The following CAMTA1 variants were observed in gnomAD, a reference collection of about 807,000 sequenced individuals.
The protein encoded by CAMTA1 is calmodulin-binding transcription activator 1.
In CAMTA1, 27 loss-of-function variants were observed where a neutral mutation model predicts 170.9. The observed-to-expected ratio is 0.16, with a 90% CI of 0.12 to 0.22. The LOEUF is 0.22. Ranked by LOEUF, CAMTA1 falls within the 10% of genes least tolerant of loss-of-function variation. The probability of loss-of-function intolerance (pLI) is 1.00; values close to 1 mark genes in which losing one functional copy is unlikely to be tolerated. For synonymous variants in CAMTA1, 833 were observed against 891.5 expected (o/e 0.93, Z 1.17); for missense variants, 1,619 against 2,217.2 (o/e 0.73, Z 5.42).
intron 6 of CAMTA1, among the ~76,000 whole-genome samples, chr1:7,551,095 A>T (rs2094794928): frequency 6.6e-6 from 1 of 151,964 alleles, no homozygotes; most frequent in Non-Finnish European, 1.5e-5. Flanking sequence ...TGTGACCTTC[A>T]CCCTCACAGG....
chr1:7,318,628 A>G (rs1302662903), intron 5 of CAMTA1, among the ~76,000 whole-genome samples: 1 of 152,242 alleles, frequency 6.6e-6, no homozygotes, highest in African/African-American at 2.4e-5. Flanking sequence ...CTACCAAATC[A>G]GAATTCCACA....
chr1:7,367,112 C>T (rs1372505841), intron 5 of CAMTA1, among the ~76,000 whole-genome samples: 4 of 152,152 alleles, frequency 2.6e-5, no homozygotes, highest in Non-Finnish European at 5.9e-5. Flanking sequence ...AGGTGACCTC[C>T]ATTATGAGAA....
intron 4 of CAMTA1, among the ~76,000 whole-genome samples, chr1:7,179,085 G>A (rs778319541): frequency 1.8e-4 from 28 of 152,300 alleles, no homozygotes; most frequent in South Asian, 8.3e-4. Flanking sequence ...AAGCATCTCT[G>A]TGCCCCTCTG....
At chr1:6,926,488 C>CTTTCTT (rs749163108) in intron 3 of CAMTA1, among the ~76,000 whole-genome samples, 31 of 125,764 alleles carry the variant, frequency 2.5e-4, no homozygotes, top group South Asian at 1.6e-3. Flanking sequence ...TTCTTTCTTT[C>CTTTCTT]TCTCTCTCTT....
intron 3 of CAMTA1, among the ~76,000 whole-genome samples, chr1:6,825,812 A>G (rs1020282487): frequency 2.6e-5 from 4 of 152,196 alleles, no homozygotes; most frequent in Non-Finnish European, 5.9e-5. Flanking sequence ...CTTTTTTGGT[A>G]AATTTTAATC....
chr1:6,861,511 T>C (rs1664682676), intron 3 of CAMTA1, among the ~76,000 whole-genome samples: 1 of 152,176 alleles, frequency 6.6e-6, no homozygotes, highest in Admixed American at 6.5e-5. Flanking sequence ...TGAGTATCCT[T>C]GAGGTCAGAA....
intron 3 of CAMTA1, among the ~76,000 whole-genome samples, chr1:7,004,745 GTTTCCTAT>G (rs1387065948): frequency 6.6e-6 from 1 of 151,946 alleles, no homozygotes; most frequent in Non-Finnish European, 1.5e-5. Flanking sequence ...TTTTTTCAAT[GTTTCCTAT>G]TTTTAAATTG....
chr1:7,583,297 T>C (rs2095277791), intron 6 of CAMTA1, among the ~76,000 whole-genome samples: 1 of 151,096 alleles, frequency 6.6e-6, no homozygotes, highest in East Asian at 2.0e-4. Flanking sequence ...GAACCAGGCC[T>C]GTCCTGGGAA....
chr1:7,602,683 C>A (rs2095456554), intron 6 of CAMTA1, among the ~76,000 whole-genome samples: 2 of 152,166 alleles, frequency 1.3e-5, no homozygotes, highest in Non-Finnish European at 2.9e-5. Context: ...TTAATTATTT[C>A]TTGCCTTCTG....
chr1:7,126,351 C>T (rs537226707), intron 4 of CAMTA1, among the ~76,000 whole-genome samples: 1 of 152,332 alleles, frequency 6.6e-6, no homozygotes, highest in South Asian at 2.1e-4. Flanking sequence ...TACCCCCTCC[C>T]TAATTCAATC....
intron 11 of CAMTA1, among the ~76,000 whole-genome samples, chr1:7,699,703 T>TAGTC (rs1224499763): frequency 6.6e-6 from 1 of 152,236 alleles, no homozygotes; most frequent in Non-Finnish European, 1.5e-5. Flanking sequence ...TTTGTGATTA[T>TAGTC]AGTCACTTAG....
At chr1:6,941,380 C>G (rs1003717899) in intron 3 of CAMTA1, among the ~76,000 whole-genome samples, 1 of 152,132 alleles carries the variant, frequency 6.6e-6, no homozygotes, top group Non-Finnish European at 1.5e-5. Context: ...CCAGCTTTTC[C>G]GAATCCGAGT....
chr1:6,892,995 C>G (rs1674863915), intron 3 of CAMTA1, among the ~76,000 whole-genome samples: 2 of 151,944 alleles, frequency 1.3e-5, no homozygotes, highest in Admixed American at 1.3e-4. Context: ...AAAAAAAGAG[C>G]TGTGGCCGGG....
chr1:7,753,673 G>A (rs1243299464), intron 21 of CAMTA1, among the ~76,000 whole-genome samples: 2 of 152,084 alleles, frequency 1.3e-5, no homozygotes, highest in East Asian at 3.8e-4. Context: ...ACCATAGAAG[G>A]AAACATGCAC....
intron 4 of CAMTA1, among the ~76,000 whole-genome samples, chr1:7,237,572 C>A (rs994971295): frequency 6.6e-6 from 1 of 152,152 alleles, no homozygotes; most frequent in Admixed American, 6.5e-5. Context: ...CAGAATTAAC[C>A]TAGTCTTCGA....
At position 6,829,714 on chromosome 1, in the gene CAMTA1, C is replaced by T. The variant is rs187979176; in HGVS notation, c.234+4504C>T. On this transcript the variant is annotated intron_variant, in intron 3 of 22. Transcript: ENST00000303635. Reference sequence around the variant, plus strand: ...TAACTAATGTACCCGCAGTCAGAGCCGGGAAGTGGGGGACGGGGGAGTTCA... The same window carrying T: ...TAACTAATGTACCCGCAGTCAGAGCTGGGAAGTGGGGGACGGGGGAGTTCA... Among the ~76,000 whole-genome samples, 429 of 152,282 alleles carry T rather than the reference C, an allele frequency of 2.8e-3. 3 individuals are homozygous for T. The highest frequency in any genetic ancestry group is 3.7e-3 in the Non-Finnish European group (253 of 68,040).
chr1:6,978,370 A>G (rs994973417), intron 3 of CAMTA1, among the ~76,000 whole-genome samples: 8 of 152,172 alleles, frequency 5.3e-5, no homozygotes, highest in African/African-American at 1.9e-4. Context: ...ACGGTGGCTC[A>G]CGCCTGTTAT....
At chr1:7,174,075 T>G (rs1287795135) in intron 4 of CAMTA1, among the ~76,000 whole-genome samples, 1 of 151,992 alleles carries the variant, frequency 6.6e-6, no homozygotes, top group Admixed American at 6.6e-5. Flanking sequence ...CCTCCACTCC[T>G]CACCTCCCAC....
intron 3 of CAMTA1, among the ~76,000 whole-genome samples, chr1:6,902,582 G>T (rs1033823784): frequency 2.0e-5 from 3 of 152,192 alleles, no homozygotes; most frequent in African/African-American, 7.2e-5. Context: ...GGAACTTTTT[G>T]AGGTGATGGA....
Sources: allele counts gnomAD v4.1 joint callset (sites outside exome capture counted in the v4.1 genomes callset), GRCh38; gene constraint gnomAD v4.1.1; transcripts MANE v1.5; gene names NCBI Gene and HGNC (gene_info 2026-07-23, HGNC 2026-07-21).